The following CMPK1 variants were observed in gnomAD, a reference collection of about 807,000 sequenced individuals.
CMPK1 encodes the protein cytidine/uridine monophosphate kinase 1, also known as UMP-CMP kinase.
CMPK1 carries 10 observed loss-of-function variants against 25.7 expected under a neutral mutation model. The ratio of observed to expected loss-of-function variants is 0.39; its 90% CI spans 0.24 to 0.66. The LOEUF is 0.66. CMPK1 is among the 30% of genes least tolerant of loss of function. The pLI, the probability that CMPK1 is intolerant of heterozygous loss-of-function variation, is 0.48. For synonymous variants in CMPK1, 106 were observed against 101.5 expected (o/e 1.04, Z -0.27); for missense variants, 199 against 280.5 (o/e 0.71, Z 2.08).
At chr1:47,375,374 G>A (rs1342669399) in intron 5 of CMPK1, 81 bp downstream of exon 5, 5 of 902,126 alleles carry the variant, frequency 5.5e-6, no homozygotes, top group Admixed American at 5.4e-5. Flanking sequence ...AGGAAAAAAA[G>A]AAATACTATC....
At chr1:47,337,023 G>A (rs1236535697) in intron 1 of CMPK1, among the ~76,000 whole-genome samples, 3 of 152,182 alleles carry the variant, frequency 2.0e-5, no homozygotes, top group Non-Finnish European at 4.4e-5. Context: ...AGTAGCTCAC[G>A]CCTGTAATCC....
chr1:47,349,224 A>G (rs1423664329), intron 1 of CMPK1, among the ~76,000 whole-genome samples: 4 of 152,208 alleles, frequency 2.6e-5, no homozygotes, highest in African/African-American at 7.2e-5. Flanking sequence ...TTCAATGGCC[A>G]TAGTAGCTTG....
At chr1:47,354,564 G>T (rs1025439983) in intron 1 of CMPK1, among the ~76,000 whole-genome samples, 22 of 148,836 alleles carry the variant, frequency 1.5e-4, no homozygotes, top group Non-Finnish European at 3.0e-5. Context: ...ACATGTGTAT[G>T]CACATACACA....
At chr1:47,369,909 CT>C (rs60145419) in intron 2 of CMPK1, among the ~76,000 whole-genome samples, 36,736 of 93,402 alleles carry the variant, frequency 0.39, 5,827 homozygotes, top group Middle Eastern at 0.56. Flanking sequence ...CTTTCTCTCT[CT>C]TTTTTTTTTT....
At chr1:47,338,054 G>A (rs1646412445) in intron 1 of CMPK1, among the ~76,000 whole-genome samples, 1 of 151,770 alleles carries the variant, frequency 6.6e-6, no homozygotes, top group Admixed American at 6.6e-5. Flanking sequence ...TTTTCCTGTA[G>A]GAAAAAAATT....
intron 1 of CMPK1, among the ~76,000 whole-genome samples, chr1:47,343,118 C>T (rs1557802176): frequency 6.6e-6 from 1 of 151,430 alleles, no homozygotes; most frequent in Non-Finnish European, 1.5e-5. Flanking sequence ...TCCCGAGTAG[C>T]TGAGAATACA....
chr1:47,350,849 A>C (rs1646517838), intron 1 of CMPK1, among the ~76,000 whole-genome samples: 1 of 151,444 alleles, frequency 6.6e-6, no homozygotes. Context: ...CAGAGGTTGC[A>C]TTGAGCCGAG....
At chr1:47,342,813 C>G (rs982188946) in intron 1 of CMPK1, among the ~76,000 whole-genome samples, 1 of 151,334 alleles carries the variant, frequency 6.6e-6, no homozygotes, top group Non-Finnish European at 1.5e-5. Flanking sequence ...CCATGCCCAG[C>G]TAATTTTTGT....
In CMPK1 at chr1:47,368,456, G is replaced by T. The variant is rs768074260; in HGVS notation, c.172-13G>T. ...ATGAATTCTGATATTTTTCCTATGT[G>T]TGCTTCTTTCAGAAATATGGCTACA... On this transcript the variant is annotated splice_polypyrimidine_tract_variant and intron_variant, in intron 1 of 5. Coordinates refer to ENST00000371873, the MANE Select transcript of CMPK1 (RefSeq NM_016308.3). 18 of 1,587,338 alleles carry T rather than the reference G, an allele frequency of 1.1e-5. No homozygotes were observed. Among genetic ancestry groups the T allele is most frequent in the Non-Finnish European group, 1.5e-5 (18 of 1,167,442 alleles).
chr1:47,375,096 GTCAA>G, intron 4 of CMPK1, 97 bp from the exon 5 acceptor site: 1 of 1,250,424 alleles, frequency 8.0e-7, no homozygotes, highest in Non-Finnish European at 1.2e-6. Flanking sequence ...AAGATGTTAG[GTCAA>G]TCAGTCGGGG....
At chr1:47,364,689 G>A (rs959681290) in intron 1 of CMPK1, among the ~76,000 whole-genome samples, 4 of 147,812 alleles carry the variant, frequency 2.7e-5, no homozygotes, top group African/African-American at 9.8e-5. Flanking sequence ...TATATTATAT[G>A]CCATAAGTTA....
chr1:47,348,701 G>C (rs969149166), intron 1 of CMPK1, among the ~76,000 whole-genome samples: 6 of 152,138 alleles, frequency 3.9e-5, no homozygotes, highest in Admixed American at 3.3e-4. Context: ...TGCCTAATTT[G>C]GGGCTACACA....
chr1:47,362,567 C>T (rs1044517982), intron 1 of CMPK1, among the ~76,000 whole-genome samples: 6 of 152,206 alleles, frequency 3.9e-5, no homozygotes, highest in African/African-American at 1.4e-4. Context: ...ATTCTCCTGC[C>T]TCAGCCTCCT....
At chr1:47,342,805 A>G (rs1646451247) in intron 1 of CMPK1, among the ~76,000 whole-genome samples, 1 of 151,428 alleles carries the variant, frequency 6.6e-6, no homozygotes, top group Non-Finnish European at 1.5e-5. Flanking sequence ...ACTTGCCACC[A>G]TGCCCAGCTA....
intron 2 of CMPK1, among the ~76,000 whole-genome samples, chr1:47,370,261 G>T (rs1646669444): frequency 6.6e-6 from 1 of 151,732 alleles, no homozygotes; most frequent in Admixed American, 6.6e-5. Flanking sequence ...ATTGATGTTC[G>T]CTCAGCCATG....
intron 1 of CMPK1, among the ~76,000 whole-genome samples, chr1:47,354,513 G>A (rs776177451): frequency 3.3e-5 from 5 of 151,256 alleles, no homozygotes; most frequent in Admixed American, 1.3e-4. Context: ...AGGTTTTTGC[G>A]TGCGTGCCTT....
intron 1 of CMPK1, among the ~76,000 whole-genome samples, chr1:47,356,291 T>C (rs1425697164): frequency 6.6e-6 from 1 of 152,016 alleles, no homozygotes; most frequent in Non-Finnish European, 1.5e-5. Context: ...CTATTTTAGG[T>C]GCTTTTATTA....
At chr1:47,352,665 A>G (rs1435915135) in intron 1 of CMPK1, among the ~76,000 whole-genome samples, 1 of 152,150 alleles carries the variant, frequency 6.6e-6, no homozygotes, top group Non-Finnish European at 1.5e-5. Context: ...TGCTTTTTCT[A>G]TTGTGTAGTC....
chr1:47,365,348 G>A (rs1646631938), intron 1 of CMPK1, among the ~76,000 whole-genome samples: 1 of 149,054 alleles, frequency 6.7e-6, no homozygotes, highest in East Asian at 2.0e-4. Context: ...AATGAGATAA[G>A]TTAGGCCAGT....
Sources: allele counts gnomAD v4.1 joint callset (sites outside exome capture counted in the v4.1 genomes callset), GRCh38; gene constraint gnomAD v4.1.1; transcripts MANE v1.5; gene names NCBI Gene and HGNC (gene_info 2026-07-23, HGNC 2026-07-21).